Variants in SIPA1L2 observed in about 807,000 individuals in gnomAD.
SIPA1L2 encodes signal induced proliferation associated 1 like 2, also known as signal-induced proliferation-associated 1-like protein 2.
In SIPA1L2, 56 loss-of-function variants were observed where a neutral mutation model predicts 163.9. That is an observed-to-expected ratio of 0.34 (90% CI 0.28 to 0.43). The LOEUF is 0.43. Ranked by LOEUF, SIPA1L2 falls within the 20% of genes least tolerant of loss-of-function variation. The pLI is 1.00. For synonymous variants in SIPA1L2, 877 were observed against 865.7 expected (o/e 1.01, Z -0.23); for missense variants, 1,974 against 2,193.5 (o/e 0.90, Z 2.00).
rs565969026 is a variant in SIPA1L2 at position 232,477,803 on chromosome 1, CAA to C, written c.2085+1822_2085+1823del. 2.0e-5 allele frequency among the ~76,000 whole-genome samples: 3 copies of C among 152,276 alleles called. No homozygotes were observed. In the East Asian group the frequency reaches 5.8e-4, roughly 29 times the overall value. On this transcript the variant is annotated intron_variant, in intron 7 of 22. Transcript: ENST00000674635. ...AGCCAGTTTTGAGTTGTGGTAAAAG[CAA>C]AGACTTCAAATCTCTGGAGGTTGCC...
At chr1:232,520,904 T>C (rs902917997) in intron 2 of SIPA1L2, among the ~76,000 whole-genome samples, 10 of 152,130 alleles carry the variant, frequency 6.6e-5, no homozygotes, top group African/African-American at 2.4e-4. Context: ...TATAACCAAA[T>C]GGCTATAAAA....
intron 3 of SIPA1L2, among the ~76,000 whole-genome samples, chr1:232,499,120 A>C (rs1357287612): frequency 6.6e-6 from 1 of 152,220 alleles, no homozygotes. Flanking sequence ...CTGGAGACAC[A>C]GTAACATTGA....
At chr1:232,562,730 A>T (rs1409091678) in intron 2 of SIPA1L2, among the ~76,000 whole-genome samples, 2 of 152,208 alleles carry the variant, frequency 1.3e-5, no homozygotes, top group Non-Finnish European at 2.9e-5. Context: ...CCACTTGATA[A>T]TCAGATCTGA....
At chr1:232,403,230 G>A (rs1660448466) in intron 21 of SIPA1L2, among the ~76,000 whole-genome samples, 1 of 152,230 alleles carries the variant, frequency 6.6e-6, no homozygotes, top group African/African-American at 2.4e-5. Flanking sequence ...GGCAGGGTGT[G>A]CCCATGGAGC....
At chr1:232,436,218 T>C (rs780005021) in intron 15 of SIPA1L2, among the ~76,000 whole-genome samples, 2 of 152,214 alleles carry the variant, frequency 1.3e-5, no homozygotes, top group African/African-American at 2.4e-5. Flanking sequence ...ATGCCTGCCA[T>C]GTGCACAGAA....
chr1:232,617,910 G>A (rs1323087459), intron 1 of SIPA1L2, among the ~76,000 whole-genome samples: 1 of 136,706 alleles, frequency 7.3e-6, no homozygotes, highest in Non-Finnish European at 1.6e-5. Flanking sequence ...AGTGATAAAA[G>A]TGTAAAAAGT....
intron 15 of SIPA1L2, among the ~76,000 whole-genome samples, chr1:232,435,886 T>A (rs1662532623): frequency 6.6e-6 from 1 of 152,196 alleles, no homozygotes; most frequent in Admixed American, 6.5e-5. Context: ...AAGTCCTCCC[T>A]TTGCCTCCTT....
At position 232,515,220 on chromosome 1, in the gene SIPA1L2, G is replaced by A. The variant is rs752272307; in HGVS notation, c.120C>T (p.Ala40=). 6.2e-7 allele frequency: 1 copy of A among 1,614,110 alleles called. No homozygotes were observed. The highest frequency in any genetic ancestry group is 1.1e-5 in the South Asian group (1 of 91,080). The change falls in exon 3 of 23, where the codon GCC becomes GCT. Residue 40 remains alanine (A), a synonymous_variant. Transcript: ENST00000674635. ...SDDYFARKFK[A]INGNMGPTTS... ...TAGTGGGTCCCATGTTGCCATTAAT[G>A]GCTTTAAATTTCCGAGCAAAATAAT...
intron 16 of SIPA1L2, among the ~76,000 whole-genome samples, chr1:232,430,771 T>G (rs1400214042): frequency 6.6e-6 from 1 of 152,152 alleles, no homozygotes; most frequent in Non-Finnish European, 1.5e-5. Flanking sequence ...CCCGATAAAA[T>G]GCAGCTTAGG....
In SIPA1L2 at chr1:232,471,495, C is replaced by T. The variant is rs368842985; in HGVS notation, c.2119G>A (p.Val707Ile). ...LRKRHIGNDI[V>I]TIVFQEPGAL... ...CCAGGCTCCTGGAAGACGATGGTGACGATGTCATTTCCTATGTGCCTTTTC... is the reference window on the plus strand; with the variant it reads ...CCAGGCTCCTGGAAGACGATGGTGATGATGTCATTTCCTATGTGCCTTTTC... Residue 707 changes from valine to isoleucine, a missense_variant, in exon 8 of 23, where the codon GTC (valine) becomes ATC (isoleucine). Coordinates refer to ENST00000674635, the MANE Select transcript of SIPA1L2 (RefSeq NM_020808.5). The T allele has an allele frequency of 3.0e-4, 490 of 1,613,860 alleles. 1 individual carries two copies. The highest frequency in any genetic ancestry group is 3.8e-4 in the Non-Finnish European group (446 of 1,179,908).
At chr1:232,542,206 T>C (rs1346694734) in intron 2 of SIPA1L2, among the ~76,000 whole-genome samples, 1 of 152,184 alleles carries the variant, frequency 6.6e-6, no homozygotes, top group Non-Finnish European at 1.5e-5. Flanking sequence ...GTCTGAAAAA[T>C]GATCATTTTA....
chr1:232,460,851 G>A, intron 10 of SIPA1L2, 36 bp downstream of exon 10: 1 of 1,596,938 alleles, frequency 6.3e-7, no homozygotes, highest in Non-Finnish European at 8.5e-7. Context: ...AGAGGCAAAG[G>A]AGGAGTGAGC....
intron 15 of SIPA1L2, among the ~76,000 whole-genome samples, chr1:232,436,754 G>A (rs1286868589): frequency 6.6e-6 from 1 of 152,198 alleles, no homozygotes; most frequent in East Asian, 1.9e-4. Context: ...GGCAAATGCT[G>A]TAAATCCCAT....
At chr1:232,508,825 C>T (rs1160256442) in intron 3 of SIPA1L2, among the ~76,000 whole-genome samples, 1 of 152,234 alleles carries the variant, frequency 6.6e-6, no homozygotes, top group Non-Finnish European at 1.5e-5. Context: ...GGTGCGGTGG[C>T]TCACGCCTGT....
At chr1:232,477,417 G>A (rs1324741078) in intron 7 of SIPA1L2, among the ~76,000 whole-genome samples, 5 of 152,228 alleles carry the variant, frequency 3.3e-5, no homozygotes, top group African/African-American at 9.6e-5. Context: ...CCTAAGAAAG[G>A]TTCACTCATT....
intron 19 of SIPA1L2, among the ~76,000 whole-genome samples, chr1:232,410,691 T>C (rs1660899706): frequency 6.6e-6 from 1 of 152,180 alleles, no homozygotes; most frequent in African/African-American, 2.4e-5. Flanking sequence ...ACCTGGGCCT[T>C]TGACCGTTTC....
chr1:232,471,614 G>T, intron 7 of SIPA1L2, 86 bp from the exon 8 acceptor site: 1 of 1,224,480 alleles, frequency 8.2e-7, no homozygotes, highest in Non-Finnish European at 1.1e-6. Context: ...CAATTTGAAG[G>T]AGTGATTTTT....
In SIPA1L2 at chr1:232,465,053, G is replaced by A. The variant is rs751746369; in HGVS notation, c.2607C>T (p.Asp869=). Residue 869 remains aspartate (D), a synonymous_variant, in exon 9 of 23, where the codon GAC becomes GAT. Coordinates refer to ENST00000674635, the MANE Select transcript of SIPA1L2 (RefSeq NM_020808.5). The surrounding 1 kb of genome is among the most constrained non-coding windows in gnomAD (Gnocchi z 4.1). ...TGGAGATCCCGAGAAGACATTCAAT[G>A]TCAGCAGACTGGCCGAAGTCCCGGG... ...VIARDFGQSA[D]IECLLGISNE... 1.9e-6 allele frequency: 3 copies of A among 1,614,174 alleles called. No homozygotes were observed. The East Asian group carries it at 6.7e-5, about 36-fold the overall frequency.
intron 22 of SIPA1L2, among the ~76,000 whole-genome samples, chr1:232,400,339 C>T (rs965297409): frequency 1.2e-4 from 18 of 152,202 alleles, no homozygotes; most frequent in African/African-American, 4.3e-4. Context: ...CACCTCTCCA[C>T]ATCCCTGCAA....
Sources: gnomAD v4.1 joint callset for allele counts (sites outside exome capture counted in the v4.1 genomes callset) on GRCh38, gnomAD v4.1.1 for gene constraint, Gnocchi (gnomAD v3.1) non-coding constraint, MANE v1.5 for transcripts, NCBI Gene and HGNC (gene_info 2026-07-23, HGNC 2026-07-21) for gene names.